Variants in COL21A1 observed in about 807,000 individuals in gnomAD.
The protein encoded by COL21A1 is collagen alpha-1(XXI) chain.
In COL21A1, 149 loss-of-function variants were observed where a neutral mutation model predicts 137.9. The ratio of observed to expected loss-of-function variants is 1.08; its 90% CI spans 0.95 to 1.24. COL21A1 has a LOEUF of 1.24. Among genes scored for constraint, COL21A1 ranks in the 50% most tolerant of loss-of-function variants. The pLI is 0.00. For missense variants in COL21A1, 1,167 were observed against 1,158.4 expected (o/e 1.01, Z -0.11); for synonymous variants, 456 against 391.5 (o/e 1.16, Z -1.95).
intron 1 of COL21A1, among the ~76,000 whole-genome samples, chr6:56,259,748 A>G (rs1763208211): frequency 6.6e-6 from 1 of 152,242 alleles, no homozygotes; most frequent in Non-Finnish European, 1.5e-5. Context: ...TTAGAAAAAC[A>G]TGCACTTTTC....
At chr6:56,265,578 GT>G (rs142232252) in intron 1 of COL21A1, among the ~76,000 whole-genome samples, 34,292 of 151,938 alleles carry the variant, frequency 0.23, 4,267 homozygotes, top group Non-Finnish European at 0.28. Flanking sequence ...AGCAAATGCT[GT>G]AGGTGTCATC....
intron 1 of COL21A1, among the ~76,000 whole-genome samples, chr6:56,230,591 A>C (rs549649094): frequency 9.2e-5 from 14 of 151,952 alleles, no homozygotes; most frequent in African/African-American, 3.4e-4. Context: ...GTCATGTTTT[A>C]TAAGGTGATG....
In COL21A1 at chr6:56,179,740, C is replaced by A; in HGVS notation, c.478G>T (p.Asp160Tyr). 6.2e-7 allele frequency: 1 copy of A among 1,613,950 alleles called. No homozygotes were observed. The highest frequency in any genetic ancestry group is 8.5e-7 in the Non-Finnish European group (1 of 1,179,876). Residue 160 changes from aspartate to tyrosine, a missense_variant, in exon 3 of 30, where the codon GAT (aspartate) becomes TAT (tyrosine). By Grantham distance (160) the Asp-to-Tyr change is radical. Transcript: ENST00000244728. ...DVKDAAQAAR[D>Y]SKITLFAIGV... ...ATAGCAAATAATGTTATCTTACTAT[C>A]TCTTGCTGCTTGAGCTGCATCCTTG...
chr6:56,257,115 T>C (rs1782991265), intron 1 of COL21A1, among the ~76,000 whole-genome samples: 6 of 152,102 alleles, frequency 3.9e-5, no homozygotes, highest in Admixed American at 2.6e-4. Context: ...GCTGAATAAA[T>C]GTAGTGCTGT....
At chr6:56,184,662 A>C (rs1185204739) in intron 1 of COL21A1, among the ~76,000 whole-genome samples, 1 of 152,220 alleles carries the variant, frequency 6.6e-6, no homozygotes, top group Non-Finnish European at 1.5e-5. Context: ...CAAAAAGACA[A>C]TATGCTGGAG....
chr6:56,276,816 GT>G (rs141389271), intron 1 of COL21A1: 289 of 754,990 alleles, frequency 3.8e-4, no homozygotes, highest in Middle Eastern at 8.3e-4. Context: ...TGTTTTTTTT[GT>G]TTTTTTTTTG....
intron 1 of COL21A1, among the ~76,000 whole-genome samples, chr6:56,264,418 C>T (rs1182810808): frequency 6.6e-6 from 1 of 152,140 alleles, no homozygotes; most frequent in Non-Finnish European, 1.5e-5. Context: ...ATGGTGGCTC[C>T]TTCTCATTCC....
intron 28 of COL21A1, among the ~76,000 whole-genome samples, chr6:56,059,761 A>G (rs925878089): frequency 6.6e-6 from 1 of 152,308 alleles, no homozygotes; most frequent in East Asian, 1.9e-4. Context: ...TCTAGACTCA[A>G]GCAAAATTTC....
At chr6:56,145,852 G>T (rs1774794452) in intron 10 of COL21A1, among the ~76,000 whole-genome samples, 1 of 149,504 alleles carries the variant, frequency 6.7e-6, no homozygotes, top group South Asian at 2.1e-4. Context: ...CTTTATAAAT[G>T]AGTCATTTTT....
At chr6:56,167,051 A>G in intron 6 of COL21A1, 68 bp from the exon 7 acceptor site, 1 of 1,060,634 alleles carries the variant, frequency 9.4e-7, no homozygotes. Flanking sequence ...AGCAACTCAG[A>G]TACATAGAAA....
intron 1 of COL21A1, among the ~76,000 whole-genome samples, chr6:56,370,280 T>A (rs1336345236): frequency 6.6e-6 from 1 of 152,190 alleles, no homozygotes; most frequent in African/African-American, 2.4e-5. Context: ...AACCTGTCTC[T>A]GTTCCCGGCC....
rs1775951544 is a variant in COL21A1, at chr6:56,158,408, G to A, written c.1372-1459C>T. On this transcript the variant is annotated intron_variant, in intron 9 of 29. Transcript: ENST00000244728. ...CCACCTCAGCCTCCCAAGTAGCTGGGGTTACAGGTACAAGCCATCATGCCC... is the reference window on the plus strand; with the variant it reads ...CCACCTCAGCCTCCCAAGTAGCTGGAGTTACAGGTACAAGCCATCATGCCC... Among the ~76,000 whole-genome samples the A allele has an allele frequency of 2.7e-5, 4 of 150,792 alleles. No individual in the cohort carries two copies. In the South Asian group the frequency reaches 8.4e-4, roughly 32 times the overall value.
chr6:56,223,116 G>T (rs7771018), intron 1 of COL21A1, among the ~76,000 whole-genome samples: 13,736 of 151,834 alleles, frequency 0.09, 820 homozygotes, highest in African/African-American at 0.17. Flanking sequence ...GGGATAAACC[G>T]TGTTCTTCCA....
At chr6:56,195,100 C>A (rs569119629) in intron 1 of COL21A1, among the ~76,000 whole-genome samples, 7 of 152,288 alleles carry the variant, frequency 4.6e-5, no homozygotes, top group South Asian at 2.1e-4. Flanking sequence ...TGCAGAGAGT[C>A]CCCACAAGCA....
intron 1 of COL21A1, among the ~76,000 whole-genome samples, chr6:56,203,737 G>A (rs1779559055): frequency 6.6e-6 from 1 of 152,190 alleles, no homozygotes; most frequent in Admixed American, 6.5e-5. Context: ...ACAGAAGGTG[G>A]GTGATTTCTG....
At chr6:56,078,781 C>A (rs764753827) in intron 17 of COL21A1, among the ~76,000 whole-genome samples, 1 of 151,554 alleles carries the variant, frequency 6.6e-6, no homozygotes, top group African/African-American at 2.4e-5. Context: ...TTCACTATAC[C>A]ATTTGCAGAG....
At chr6:56,276,385 T>A (rs1284010240) in intron 1 of COL21A1, 1 of 538,672 alleles carries the variant, frequency 1.9e-6, no homozygotes, top group African/African-American at 1.9e-5. Flanking sequence ...CAAATAAAAG[T>A]TGAAATAATT....
intron 10 of COL21A1, among the ~76,000 whole-genome samples, chr6:56,150,039 A>G (rs1775165565): frequency 6.6e-6 from 1 of 152,136 alleles, no homozygotes; most frequent in Non-Finnish European, 1.5e-5. Context: ...CTCCATATCC[A>G]AATTGATTTC....
Position 56,308,607 on chromosome 6 carries a change from G to A in COL21A1, c.-39+85364C>T, listed in dbSNP as rs1047920573. On this transcript the variant is annotated intron_variant, in intron 1 of 28. Transcript: ENST00000370819. The stretch of plus-strand genomic sequence containing the variant: ...AATGCAAAGTTGCTACTCAAAGGAC[G>A]TGAAGTTTCAGTCAAGCAAGATGAA... Among the ~76,000 whole-genome samples, 4 of 152,178 alleles carry A rather than the reference G, an allele frequency of 2.6e-5. No individual in the cohort carries two copies. In the East Asian group the frequency reaches 5.8e-4, roughly 22 times the overall value.
Sources: allele counts gnomAD v4.1 joint callset (sites outside exome capture counted in the v4.1 genomes callset), GRCh38; gene constraint gnomAD v4.1.1; transcripts MANE v1.5; gene names NCBI Gene and HGNC (gene_info 2026-07-23, HGNC 2026-07-21).